SHCBP1L: variants seen among roughly 807,000 people sequenced by gnomAD.
SHCBP1L encodes testicular spindle-associated protein SHCBP1L.
In SHCBP1L, 67 loss-of-function variants were observed where a neutral mutation model predicts 62.5. The ratio of observed to expected loss-of-function variants is 1.07; its 90% CI spans 0.88 to 1.31. SHCBP1L has a LOEUF of 1.31. SHCBP1L is among the 40% of genes most tolerant of loss of function. The pLI is 0.00. For missense variants in SHCBP1L, 823 were observed against 809.8 expected (o/e 1.02, Z -0.20); for synonymous variants, 284 against 289.4 (o/e 0.98, Z 0.19).
At chr1:182,948,954 C>G (rs1290341083) in intron 2 of SHCBP1L, among the ~76,000 whole-genome samples, 1 of 152,136 alleles carries the variant, frequency 6.6e-6, no homozygotes, top group African/African-American at 2.4e-5. Flanking sequence ...TTGCTTTTTC[C>G]TCTGTTCTTA....
intron 6 of SHCBP1L, among the ~76,000 whole-genome samples, chr1:182,927,880 C>G (rs1490105395): frequency 6.6e-6 from 1 of 150,792 alleles, no homozygotes; most frequent in Non-Finnish European, 1.5e-5. Flanking sequence ...AAGCACTGAA[C>G]AAAAAAAATC....
intron 6 of SHCBP1L, among the ~76,000 whole-genome samples, chr1:182,927,473 C>G (rs1370797547): frequency 5.3e-5 from 8 of 152,044 alleles, no homozygotes; most frequent in Admixed American, 5.2e-4. Flanking sequence ...GAGATCGAGA[C>G]CATCCTGGCT....
intron 6 of SHCBP1L, among the ~76,000 whole-genome samples, chr1:182,920,630 G>T (rs1251288350): frequency 1.3e-5 from 2 of 152,112 alleles, no homozygotes; most frequent in East Asian, 3.9e-4. Flanking sequence ...AGATTTAGGA[G>T]AAAGTTGAAA....
chr1:182,945,899 A>C (rs1309720996), intron 2 of SHCBP1L, among the ~76,000 whole-genome samples: 1 of 151,966 alleles, frequency 6.6e-6, no homozygotes, highest in Non-Finnish European at 1.5e-5. Context: ...ATCTCTACTA[A>C]AAATACAAAA....
intron 9 of SHCBP1L, among the ~76,000 whole-genome samples, chr1:182,901,313 T>A (rs1012648328): frequency 6.6e-6 from 1 of 152,008 alleles, no homozygotes; most frequent in Non-Finnish European, 1.5e-5. Flanking sequence ...CAAAATTAGC[T>A]GGGCGTGGTG....
intron 7 of SHCBP1L, among the ~76,000 whole-genome samples, chr1:182,905,070 T>G (rs1476524750): frequency 6.6e-6 from 1 of 152,176 alleles, no homozygotes; most frequent in Non-Finnish European, 1.5e-5. Flanking sequence ...TTGTTGTTGG[T>G]TAGACAATGA....
intron 8 of SHCBP1L, among the ~76,000 whole-genome samples, chr1:182,903,460 A>G (rs1649905211): frequency 6.6e-6 from 1 of 152,228 alleles, no homozygotes; most frequent in African/African-American, 2.4e-5. Context: ...TTGTTTCAAT[A>G]GTTATAAAAA....
In SHCBP1L at chr1:182,952,983, C is replaced by T; in HGVS notation, c.151G>A (p.Val51Met). 1 of 1,543,450 alleles carries T rather than the reference C, an allele frequency of 6.5e-7. No homozygotes were observed. The highest frequency in any genetic ancestry group is 8.7e-7 in the Non-Finnish European group (1 of 1,147,796). ...CCCTTCACCGGGCGAGGGGAGGCCA[C>T]CACCGACCGCACTGGGATCGCGGTG... The part of the protein sequence containing the change: ...KGTAIPVRSV[V>M]ASPRPVKGKA... The change falls in exon 1 of 10, where the codon GTG becomes ATG. Residue 51 changes from valine (V) to methionine (M), a missense_variant. Coordinates refer to ENST00000367547, the MANE Select transcript of SHCBP1L (RefSeq NM_030933.4).
chr1:182,939,222 C>G lies in SHCBP1L; in HGVS notation c.1030G>C (p.Val344Leu). The G allele has an allele frequency of 6.2e-7, 1 of 1,613,946 alleles. No homozygotes were observed. The highest frequency in any genetic ancestry group is 8.5e-7 in the Non-Finnish European group (1 of 1,179,956). Reference sequence around the variant, plus strand: ...ATTTTCAGTAATCCACAGAGCATGACTATCTCATAGTATTTTTTCCAGCAT... The same window carrying G: ...ATTTTCAGTAATCCACAGAGCATGAGTATCTCATAGTATTTTTTCCAGCAT... ...VECWKKYYEI[V>L]MLCGLLKMWE... Residue 344 changes from valine (V) to leucine (L), a missense_variant, in exon 5 of 10, where the codon GTC becomes CTC. Coordinates refer to ENST00000367547, the MANE Select transcript of SHCBP1L (RefSeq NM_030933.4).
chr1:182,920,961 C>G (rs901787683), intron 6 of SHCBP1L, among the ~76,000 whole-genome samples: 17 of 152,132 alleles, frequency 1.1e-4, no homozygotes, highest in Admixed American at 3.3e-4. Flanking sequence ...TTTCAGGATA[C>G]TGTACACTAA....
At position 182,953,144 on chromosome 1, in the gene SHCBP1L, G is replaced by C. The variant is rs1219889955; in HGVS notation, c.-11C>G. 6.3e-7 allele frequency: 1 copy of C among 1,577,402 alleles called. No individual in the cohort carries two copies. The highest frequency in any genetic ancestry group is 1.3e-5 in the African/African-American group (1 of 74,428). ...GGAGCCCGACGCCATCTCCTCAGCA[G>C]CCCGAGGGCCGAGGCAGCCGTTGGC... On this transcript the variant is annotated 5_prime_UTR_variant, in exon 1 of 10. Coordinates refer to ENST00000367547, the MANE Select transcript of SHCBP1L (RefSeq NM_030933.4).
At chr1:182,945,137 T>A (rs1296260286) in intron 2 of SHCBP1L, among the ~76,000 whole-genome samples, 2 of 152,092 alleles carry the variant, frequency 1.3e-5, no homozygotes, top group Middle Eastern at 3.4e-3. Flanking sequence ...CTATTTTTTG[T>A]ATTTTTAGTA....
chr1:182,944,726 T>A (rs1377917546), intron 2 of SHCBP1L, among the ~76,000 whole-genome samples: 1 of 152,092 alleles, frequency 6.6e-6, no homozygotes, highest in Non-Finnish European at 1.5e-5. Flanking sequence ...AATTTAGTTA[T>A]CTCTTTCATT....
chr1:182,948,181 G>C (rs1651625096), intron 2 of SHCBP1L, among the ~76,000 whole-genome samples: 1 of 152,188 alleles, frequency 6.6e-6, no homozygotes, highest in Admixed American at 6.5e-5. Flanking sequence ...GCCCTGCACT[G>C]TTCAGGAGTC....
At chr1:182,909,176 T>C (rs1352501645) in intron 6 of SHCBP1L, among the ~76,000 whole-genome samples, 1 of 151,998 alleles carries the variant, frequency 6.6e-6, no homozygotes, top group East Asian at 1.9e-4. Flanking sequence ...GAGAAAAAAG[T>C]GTGATAGAGG....
Position 182,923,354 on chromosome 1 carries a change from C to T in SHCBP1L, c.1182+6293G>A, listed in dbSNP as rs1020204047. Among the ~76,000 whole-genome samples, 6 of 152,260 alleles carry T rather than the reference C, an allele frequency of 3.9e-5. No homozygotes were observed. The South Asian group carries it at 1.2e-3, about 32-fold the overall frequency. On this transcript the variant is annotated intron_variant, in intron 6 of 9. Transcript: ENST00000367547. Reference sequence around the variant, plus strand: ...TGAAACTATTCCAAAACATTCCTCCCTAACTCATTCTTTGAGGCCAGCATG... The same window carrying T: ...TGAAACTATTCCAAAACATTCCTCCTTAACTCATTCTTTGAGGCCAGCATG...
chr1:182,904,186 G>A lies in SHCBP1L; in HGVS notation c.1581C>T (p.Gly527=), dbSNP rs756834948. The A allele has an allele frequency of 4.2e-5, 68 of 1,613,678 alleles. 1 individual carries two copies. The East Asian group carries it at 5.1e-4, about 12-fold the overall frequency. Residue 527 remains glycine, a synonymous_variant, in exon 8 of 10, where the codon GGC becomes GGT. Coordinates refer to ENST00000367547, the MANE Select transcript of SHCBP1L (RefSeq NM_030933.4). ...ALTITDSEIT[G]AQGAGVELYP... is the part of the protein sequence containing the mutation. Reference sequence around the variant, plus strand: ...TTTTTAAAGAATGAAATACCTGGGCGCCAGTTATTTCACTGTCTGTAATTG... The same window carrying A: ...TTTTTAAAGAATGAAATACCTGGGCACCAGTTATTTCACTGTCTGTAATTG...
At chr1:182,904,121 A>T (rs1358368277) in intron 8 of SHCBP1L, 59 bp downstream of exon 8, 10 of 1,555,802 alleles carry the variant, frequency 6.4e-6, no homozygotes, top group Non-Finnish European at 6.1e-6. Context: ...GTATATTAAG[A>T]TCACTCAAAG....
At chr1:182,909,928 C>T (rs1329117856) in intron 6 of SHCBP1L, among the ~76,000 whole-genome samples, 2 of 152,094 alleles carry the variant, frequency 1.3e-5, no homozygotes, top group African/African-American at 2.4e-5. Flanking sequence ...GGAATAAATA[C>T]GAAGAAGTGG....
Sources: gnomAD v4.1 joint callset for allele counts (sites outside exome capture counted in the v4.1 genomes callset) on GRCh38, gnomAD v4.1.1 for gene constraint, MANE v1.5 for transcripts, NCBI Gene and HGNC (gene_info 2026-07-23, HGNC 2026-07-21) for gene names.